Variants in CSMD3 observed in about 807,000 individuals in gnomAD.
CSMD3 encodes the protein CUB and sushi domain-containing protein 3.
Under a neutral mutation model 435.2 loss-of-function variants are expected in CSMD3, and 177 were observed. The observed-to-expected ratio is 0.41, with a 90% confidence interval of 0.36 to 0.46. The LOEUF (loss-of-function observed/expected upper bound fraction) is 0.46, where lower values mean the gene tolerates loss of function less well. Ranked by LOEUF, CSMD3 falls within the 20% of genes least tolerant of loss-of-function variation. The probability of loss-of-function intolerance (pLI) is 0.34; values close to 1 mark genes in which losing one functional copy is unlikely to be tolerated. For synonymous variants in CSMD3, 1,656 were observed against 1,520.5 expected, an observed-to-expected ratio of 1.09 and a Z score of -2.07; for missense variants, 4,265 against 4,504.6, an observed-to-expected ratio of 0.95 and a Z score of 1.52.
chr8:112,503,159 G>T lies in CSMD3; in HGVS notation c.5083+631C>A, dbSNP rs141028331. Among the ~76,000 whole-genome samples, 12 of 152,272 alleles carry T rather than the reference G, an allele frequency of 7.9e-5. No individual in the cohort carries two copies. The East Asian group carries it at 2.1e-3, about 27-fold the overall frequency. On this transcript the variant is annotated intron_variant, in intron 30 of 70. Transcript: ENST00000297405. ...TGCAGTGGCATGATCATATCTCACT[G>T]CAGCCTTCATCTCCTGGGCTCAAGT...
At chr8:112,838,556 A>G (rs2080092954) in intron 11 of CSMD3, among the ~76,000 whole-genome samples, 1 of 151,676 alleles carries the variant, frequency 6.6e-6, no homozygotes, top group African/African-American at 2.4e-5. Context: ...AATAATTATA[A>G]TAGTTTTTTT....
chr8:112,599,816 C>T (rs1225399693), intron 22 of CSMD3, among the ~76,000 whole-genome samples: 2 of 135,136 alleles, frequency 1.5e-5, no homozygotes, highest in Non-Finnish European at 3.0e-5. Context: ...GGGAATTGAA[C>T]AATGAGATCA....
chr8:112,978,293 A>G (rs1326827185), intron 6 of CSMD3, among the ~76,000 whole-genome samples: 1 of 152,000 alleles, frequency 6.6e-6, no homozygotes, highest in Non-Finnish European at 1.5e-5. Flanking sequence ...TTAAATTATC[A>G]TATTCCATCA....
chr8:113,082,793 A>C (rs991675411), intron 5 of CSMD3, among the ~76,000 whole-genome samples: 1 of 152,156 alleles, frequency 6.6e-6, no homozygotes, highest in East Asian at 1.9e-4. Context: ...GTTGAGAAAT[A>C]CAATGAATAA....
At chr8:113,385,528 T>G (rs1424942335) in intron 1 of CSMD3, among the ~76,000 whole-genome samples, 1 of 152,060 alleles carries the variant, frequency 6.6e-6, no homozygotes, top group Non-Finnish European at 1.5e-5. Context: ...CAAGTAGAGG[T>G]GCTGAATAAA....
rs549510652 is a variant in CSMD3 at position 112,620,714 on chromosome 8, T to C, written c.3715+16103A>G. 5.1e-4 allele frequency among the ~76,000 whole-genome samples: 77 copies of C among 152,272 alleles called. No individual in the cohort carries two copies. In the South Asian group the frequency reaches 0.015, roughly 29 times the overall value. The stretch of plus-strand genomic sequence containing the variant: ...CTTAAAAGCCATCCAGTCCAGACCC[T>C]GCATTTGATCCCCGCCTCCTACTGC... On this transcript the variant is annotated intron_variant, in intron 22 of 70. Transcript: ENST00000297405.
chr8:112,284,340 AT>A (rs1818963714), intron 58 of CSMD3, among the ~76,000 whole-genome samples: 1 of 151,844 alleles, frequency 6.6e-6, no homozygotes, highest in Non-Finnish European at 1.5e-5. Flanking sequence ...ATTATAAATT[AT>A]TAAAGTAATA....
intron 67 of CSMD3, among the ~76,000 whole-genome samples, chr8:112,234,689 T>C (rs918475567): frequency 6.6e-6 from 1 of 152,206 alleles, no homozygotes; most frequent in African/African-American, 2.4e-5. Flanking sequence ...CTCAACTTAT[T>C]TCTTAGTTGT....
intron 4 of CSMD3, among the ~76,000 whole-genome samples, chr8:113,135,865 C>G (rs528074613): frequency 6.6e-6 from 1 of 151,708 alleles, no homozygotes. Flanking sequence ...CCTTAAAATA[C>G]GGGTAACTTC....
intron 9 of CSMD3, among the ~76,000 whole-genome samples, chr8:112,927,197 A>G (rs551286371): frequency 6.6e-6 from 1 of 152,252 alleles, no homozygotes; most frequent in Non-Finnish European, 1.5e-5. Flanking sequence ...TTACAATATG[A>G]GATTTTCTGT....
intron 24 of CSMD3, among the ~76,000 whole-genome samples, chr8:112,567,230 G>A (rs988997958): frequency 6.6e-6 from 1 of 152,108 alleles, no homozygotes; most frequent in Non-Finnish European, 1.5e-5. Flanking sequence ...CCCTTTGCCT[G>A]TATGTGATTA....
intron 24 of CSMD3, among the ~76,000 whole-genome samples, chr8:112,562,586 A>G (rs189561435): frequency 4.0e-3 from 607 of 151,488 alleles, no homozygotes; most frequent in Non-Finnish European, 6.2e-3. Flanking sequence ...AAAACCATAT[A>G]TATTAATAAA....
intron 1 of CSMD3, among the ~76,000 whole-genome samples, chr8:113,396,582 CT>C (rs890681550): frequency 6.6e-6 from 1 of 151,808 alleles, no homozygotes; most frequent in Non-Finnish European, 1.5e-5. Flanking sequence ...GGTAATTTGT[CT>C]TTTTTTTACA....
At chr8:112,772,339 T>A (rs890132357) in intron 13 of CSMD3, among the ~76,000 whole-genome samples, 1 of 152,082 alleles carries the variant, frequency 6.6e-6, no homozygotes, top group African/African-American at 2.4e-5. Context: ...ATGTGCTGTG[T>A]CAACTCAGGG....
intron 11 of CSMD3, among the ~76,000 whole-genome samples, chr8:112,855,805 G>GAAGA (rs2080638052): frequency 1.6e-5 from 2 of 127,100 alleles, no homozygotes; most frequent in South Asian, 5.4e-4. Flanking sequence ...ATGTCTTAGC[G>GAAGA]AAGCTTTTTT....
At chr8:112,473,220 T>C (rs1314587572) in intron 31 of CSMD3, among the ~76,000 whole-genome samples, 2 of 152,162 alleles carry the variant, frequency 1.3e-5, no homozygotes, top group Non-Finnish European at 1.5e-5. Flanking sequence ...AGTTGTTGAT[T>C]GTGCCTTGAG....
intron 3 of CSMD3, among the ~76,000 whole-genome samples, chr8:113,176,343 A>C (rs1274101954): frequency 6.6e-6 from 1 of 152,070 alleles, no homozygotes; most frequent in Non-Finnish European, 1.5e-5. Flanking sequence ...TTCTATAACC[A>C]CTGCTCATGG....
rs1272711210 is a variant in CSMD3, at chr8:112,666,285, T to C, written c.2808A>G (p.Thr936=). The C allele has an allele frequency of 6.2e-7, 1 of 1,610,032 alleles. No individual in the cohort carries two copies. Among genetic ancestry groups the C allele is most frequent in the Admixed American group, 1.7e-5 (1 of 59,742 alleles). Residue 936 remains threonine (T), a synonymous_variant, in exon 17 of 71, where the codon ACA becomes ACG. Transcript: ENST00000297405. ...EAEPGHSIKI[T]FERFQTELNY... ...AAAAATATTTGTGAGACCTTTCAAA[T>C]GTAATTTTGATAGAGTGTCCAGGTT...
intron 1 of CSMD3, among the ~76,000 whole-genome samples, chr8:113,348,399 G>A (rs1410915366): frequency 6.6e-6 from 1 of 152,052 alleles, no homozygotes; most frequent in Admixed American, 6.6e-5. Context: ...AAGACAACCT[G>A]GTGATGAACT....
Sources: gnomAD v4.1 joint callset for allele counts (sites outside exome capture counted in the v4.1 genomes callset) on GRCh38, gnomAD v4.1.1 for gene constraint, MANE v1.5 for transcripts, NCBI Gene and HGNC (gene_info 2026-07-23, HGNC 2026-07-21) for gene names.